The following CAMK1D variants were observed in gnomAD, a reference collection of about 807,000 sequenced individuals.
The protein encoded by CAMK1D is calcium/calmodulin dependent protein kinase ID.
CAMK1D carries 9 observed loss-of-function variants against 47.7 expected under a neutral mutation model. The observed-to-expected ratio is 0.19, with a 90% CI of 0.11 to 0.33. CAMK1D has a LOEUF of 0.33. Among genes scored for constraint, CAMK1D ranks in the 10% least tolerant of loss-of-function variants. The pLI is 1.00. For synonymous variants in CAMK1D, 184 were observed against 184.9 expected (o/e 0.99, Z 0.04); for missense variants, 291 against 488.7 (o/e 0.60, Z 3.81).
At chr10:12,626,694 C>T (rs998165247) in intron 2 of CAMK1D, among the ~76,000 whole-genome samples, 3 of 152,064 alleles carry the variant, frequency 2.0e-5, no homozygotes, top group Admixed American at 1.3e-4. Context: ...AGGCTGGCCT[C>T]GAAATCCTGA....
intron 1 of CAMK1D, among the ~76,000 whole-genome samples, chr10:12,480,932 A>G (rs1007642225): frequency 1.2e-4 from 19 of 152,270 alleles, no homozygotes; most frequent in Non-Finnish European, 1.5e-4. Context: ...ACCAACTGCC[A>G]TCTTGCCCTT....
chr10:12,738,084 G>T (rs1171701390), intron 3 of CAMK1D, among the ~76,000 whole-genome samples: 1 of 152,228 alleles, frequency 6.6e-6, no homozygotes, highest in African/African-American at 2.4e-5. Context: ...GTGAAGGAAT[G>T]TGTGGAGAAA....
intron 3 of CAMK1D, among the ~76,000 whole-genome samples, chr10:12,688,768 T>G (rs1832755991): frequency 6.6e-6 from 1 of 152,208 alleles, no homozygotes; most frequent in African/African-American, 2.4e-5. Flanking sequence ...CATCGCAACC[T>G]CTGCCTGCTG....
intron 6 of CAMK1D, among the ~76,000 whole-genome samples, chr10:12,799,056 G>C (rs1310172427): frequency 6.6e-6 from 1 of 152,196 alleles, no homozygotes; most frequent in Non-Finnish European, 1.5e-5. Context: ...AGTAGAGATG[G>C]AGGCCAGGAG....
intron 1 of CAMK1D, among the ~76,000 whole-genome samples, chr10:12,471,638 C>T (rs1167889503): frequency 1.3e-5 from 2 of 152,334 alleles, no homozygotes; most frequent in Non-Finnish European, 2.9e-5. Context: ...CCCACCCCTC[C>T]TGGTTCTCCA....
chr10:12,569,600 T>C lies in CAMK1D; in HGVS notation c.224+16244T>C, dbSNP rs1164976080. On this transcript the variant is annotated intron_variant, in intron 2 of 10. Transcript: ENST00000619168. Reference sequence around the variant, plus strand: ...CGGGCTTGGTGGCGGGCGCCTGTAGTCCCAGCTACTCGGGAAGCTGAGGCA... The same window carrying C: ...CGGGCTTGGTGGCGGGCGCCTGTAGCCCCAGCTACTCGGGAAGCTGAGGCA... Among the ~76,000 whole-genome samples, 3 of 150,426 alleles carry C rather than the reference T, an allele frequency of 2.0e-5. No individual in the cohort carries two copies. In the East Asian group the frequency reaches 5.9e-4, roughly 29 times the overall value.
intron 1 of CAMK1D, among the ~76,000 whole-genome samples, chr10:12,436,434 A>G (rs1400745953): frequency 6.6e-5 from 10 of 152,218 alleles, no homozygotes; most frequent in Admixed American, 3.3e-4. Flanking sequence ...AAGGAAATCT[A>G]GGAAGCTGGT....
intron 1 of CAMK1D, among the ~76,000 whole-genome samples, chr10:12,459,628 A>G (rs1242441156): frequency 6.6e-6 from 1 of 152,162 alleles, no homozygotes; most frequent in Non-Finnish European, 1.5e-5. Context: ...AGATATTTGA[A>G]ACATATTTGT....
intron 1 of CAMK1D, among the ~76,000 whole-genome samples, chr10:12,551,780 G>A (rs1836591570): frequency 6.6e-6 from 1 of 152,144 alleles, no homozygotes; most frequent in South Asian, 2.1e-4. Flanking sequence ...ATGCACTTGA[G>A]TCATCCCAAA....
chr10:12,521,203 G>A lies in CAMK1D; in HGVS notation c.93-32022G>A, dbSNP rs118184390. Among the ~76,000 whole-genome samples the A allele has an allele frequency of 7.2e-3, 1,088 of 152,146 alleles. 21 individuals carry two copies. Among genetic ancestry groups the A allele is most frequent in the East Asian group, 0.041 (213 of 5,170 alleles). On this transcript the variant is annotated intron_variant, in intron 1 of 10. Transcript: ENST00000619168. ...TCTTCTTTTTCTAGTTTCTTGAAGT[G>A]AAATGTTATATGTTTGATTTTAGAT... is the stretch of plus-strand genomic sequence containing the variant.
intron 1 of CAMK1D, among the ~76,000 whole-genome samples, chr10:12,419,041 C>G (rs1056685871): frequency 2.6e-5 from 4 of 152,192 alleles, no homozygotes; most frequent in African/African-American, 7.2e-5. Flanking sequence ...GAATGAACTT[C>G]CCTGTCTCTT....
At chr10:12,648,978 C>T (rs113775290) in intron 2 of CAMK1D, among the ~76,000 whole-genome samples, 82 of 152,200 alleles carry the variant, frequency 5.4e-4, no homozygotes, top group African/African-American at 1.5e-3. Context: ...AGTCATCCAC[C>T]GCCTCAGCCT....
chr10:12,358,448 G>T (rs114901654), intron 1 of CAMK1D, among the ~76,000 whole-genome samples: 1,783 of 152,216 alleles, frequency 0.012, 36 homozygotes, highest in African/African-American at 0.04. Flanking sequence ...CGTGAGAAAC[G>T]CTTGAGCCTG....
intron 8 of CAMK1D, among the ~76,000 whole-genome samples, chr10:12,820,879 G>A (rs550785126): frequency 6.6e-6 from 1 of 152,254 alleles, no homozygotes; most frequent in Non-Finnish European, 1.5e-5. Flanking sequence ...GAATGGCCAG[G>A]GCCAGGATGG....
chr10:12,373,322 G>C lies in CAMK1D; in HGVS notation c.92+23412G>C, dbSNP rs2724774. On this transcript the variant is annotated intron_variant, in intron 1 of 10. Coordinates refer to ENST00000619168, the MANE Select transcript of CAMK1D (RefSeq NM_153498.4). ...AGGGAGAGCCTGTCTCAATAAAAAAGAAAAAAGATATTAAAAAAATAAAAA... is the reference window on the plus strand; with the variant it reads ...AGGGAGAGCCTGTCTCAATAAAAAACAAAAAAGATATTAAAAAAATAAAAA... 2.0e-5 allele frequency among the ~76,000 whole-genome samples: 3 copies of C among 148,994 alleles called. No individual in the cohort carries two copies. The East Asian group carries it at 6.0e-4, about 30-fold the overall frequency.
intron 1 of CAMK1D, among the ~76,000 whole-genome samples, chr10:12,412,515 C>T (rs1208452591): frequency 4.0e-5 from 6 of 148,904 alleles, no homozygotes; most frequent in Admixed American, 6.7e-5. Context: ...CCCAGCTACT[C>T]GGGAGGCTGA....
chr10:12,816,201 A>G, intron 7 of CAMK1D, 49 bp from the exon 8 acceptor site: 18 of 1,515,130 alleles, frequency 1.2e-5, no homozygotes, highest in Non-Finnish European at 1.5e-5. Context: ...ATATTGTCAC[A>G]TCTCAAGTCG....
chr10:12,701,794 G>A (rs189061741), intron 3 of CAMK1D, among the ~76,000 whole-genome samples: 4 of 152,204 alleles, frequency 2.6e-5, no homozygotes, highest in African/African-American at 9.6e-5. Context: ...GATCTTAGGG[G>A]CTGAACGTGA....
At chr10:12,370,542 T>C (rs1837973473) in intron 1 of CAMK1D, among the ~76,000 whole-genome samples, 2 of 151,998 alleles carry the variant, frequency 1.3e-5, no homozygotes, top group South Asian at 4.1e-4. Context: ...TGGGACAAGA[T>C]GTGGAGGTGG....
Sources: gnomAD v4.1 joint callset for allele counts (sites outside exome capture counted in the v4.1 genomes callset) on GRCh38, gnomAD v4.1.1 for gene constraint, MANE v1.5 for transcripts, NCBI Gene and HGNC (gene_info 2026-07-23, HGNC 2026-07-21) for gene names.